The following KIF26B variants were observed in gnomAD, a reference collection of about 807,000 sequenced individuals.
KIF26B encodes kinesin family member 26B, also known as kinesin-like protein KIF26B.
Under a neutral mutation model 151.2 loss-of-function variants are expected in KIF26B, and 63 were observed. That is an observed-to-expected ratio of 0.42 (90% CI 0.34 to 0.51). KIF26B has a LOEUF of 0.51. Among genes scored for constraint, KIF26B ranks in the 20% least tolerant of loss-of-function variants. The pLI is 0.07. For synonymous variants in KIF26B, 1,357 were observed against 1,262.1 expected (o/e 1.08, Z -1.59); for missense variants, 2,813 against 2,913.6 (o/e 0.97, Z 0.79).
At chr1:245,655,524 T>C (rs899223165) in intron 10 of KIF26B, among the ~76,000 whole-genome samples, 1 of 152,138 alleles carries the variant, frequency 6.6e-6, no homozygotes, top group Non-Finnish European at 1.5e-5. Context: ...TACAGATACT[T>C]GGTTTAAGAG....
In KIF26B at chr1:245,706,726, T is replaced by C. The variant is rs1389485652; in HGVS notation, c.*4120T>C. The C allele has an allele frequency of 6.6e-6, 1 of 152,238 alleles. No homozygotes were observed. The highest frequency in any genetic ancestry group is 2.4e-5 in the African/African-American group (1 of 41,456). The allele number at this position is 152,238 out of a possible 1,614,324, so 9.4% of individuals were successfully genotyped here. ...GCTGCCACTGTCCCTGGGGCCTCCATGCTGCCGCCGGGGTATGTGGCCCAG... is the reference window on the plus strand; with the variant it reads ...GCTGCCACTGTCCCTGGGGCCTCCACGCTGCCGCCGGGGTATGTGGCCCAG... On this transcript the variant is annotated 3_prime_UTR_variant, in exon 15 of 15. Coordinates refer to ENST00000407071, the MANE Select transcript of KIF26B (RefSeq NM_018012.4).
At chr1:245,185,961 G>A (rs1668993885) in intron 2 of KIF26B, among the ~76,000 whole-genome samples, 1 of 151,938 alleles carries the variant, frequency 6.6e-6, no homozygotes, top group Admixed American at 6.6e-5. Flanking sequence ...TGCAACCTCC[G>A]CCTCCCGGAT....
intron 4 of KIF26B, among the ~76,000 whole-genome samples, chr1:245,501,012 T>C (rs1660609161): frequency 6.6e-6 from 1 of 152,210 alleles, no homozygotes; most frequent in Non-Finnish European, 1.5e-5. Context: ...TCAAGACCAC[T>C]TACTATGCGT....
intron 2 of KIF26B, among the ~76,000 whole-genome samples, chr1:245,234,818 TTAAG>T (rs1670074087): frequency 6.6e-6 from 1 of 152,188 alleles, no homozygotes; most frequent in Non-Finnish European, 1.5e-5. Flanking sequence ...CGGCCTGCTA[TTAAG>T]TGTTTCTAAG....
rs150291754 is a variant in KIF26B at position 245,298,888 on chromosome 1, C to T, written c.466-67946C>T. Among the ~76,000 whole-genome samples the T allele has an allele frequency of 4.0e-3, 613 of 152,242 alleles. 4 individuals are homozygous for T. Among genetic ancestry groups the T allele is most frequent in the African/African-American group, 0.014 (580 of 41,562 alleles). ...GCATTCCGAACAATTCTGGCAAAGG[C>T]GGAAACACTGGACCAGGATCTGGGT... On this transcript the variant is annotated intron_variant, in intron 2 of 14. Transcript: ENST00000407071.
intron 2 of KIF26B, among the ~76,000 whole-genome samples, chr1:245,178,240 A>G (rs1420232589): frequency 6.6e-6 from 1 of 152,186 alleles, no homozygotes; most frequent in East Asian, 1.9e-4. Flanking sequence ...GTGCTGTGCT[A>G]GGAGTTCTAG....
chr1:245,338,964 G>C (rs1180769083), intron 2 of KIF26B, among the ~76,000 whole-genome samples: 1 of 145,782 alleles, frequency 6.9e-6, no homozygotes, highest in African/African-American at 2.5e-5. Flanking sequence ...TGCTTCATAG[G>C]GTAGAATTTT....
intron 2 of KIF26B, among the ~76,000 whole-genome samples, chr1:245,349,033 C>A (rs1017770458): frequency 1.3e-5 from 2 of 152,174 alleles, no homozygotes; most frequent in Admixed American, 6.5e-5. Context: ...GTGACGTGAC[C>A]TGTGTGTGCT....
chr1:245,668,716 C>A (rs376756540), intron 10 of KIF26B, among the ~76,000 whole-genome samples: 60 of 146,856 alleles, frequency 4.1e-4, no homozygotes, highest in Admixed American at 1.6e-3. Context: ...TTTGAGACAG[C>A]GTCTTGCTCT....
At chr1:245,496,135 G>T (rs200047846) in intron 4 of KIF26B, among the ~76,000 whole-genome samples, 1 of 152,164 alleles carries the variant, frequency 6.6e-6, no homozygotes, top group East Asian at 1.9e-4. Flanking sequence ...GACAGAAAGG[G>T]TCAACATGTG....
chr1:245,303,409 A>C (rs1023636002), intron 2 of KIF26B, among the ~76,000 whole-genome samples: 2 of 150,724 alleles, frequency 1.3e-5, no homozygotes, highest in Admixed American at 6.6e-5. Flanking sequence ...CGTGTTAGCC[A>C]GGATGGTCTC....
At chr1:245,472,881 T>G (rs1659945696) in intron 4 of KIF26B, among the ~76,000 whole-genome samples, 1 of 152,224 alleles carries the variant, frequency 6.6e-6, no homozygotes, top group African/African-American at 2.4e-5. Flanking sequence ...CTCTAAACAG[T>G]GGGCTCCCCC....
At chr1:245,684,153 G>A (rs72764846) in intron 10 of KIF26B, 80 bp from the exon 11 acceptor site, 278,904 of 1,463,480 alleles carry the variant, frequency 0.19, 29,587 homozygotes, top group Non-Finnish European at 0.22. Flanking sequence ...CAAAATGGCC[G>A]TGTGCAGGCC....
chr1:245,209,560 C>G (rs573452885), intron 2 of KIF26B, among the ~76,000 whole-genome samples: 1 of 152,008 alleles, frequency 6.6e-6, no homozygotes, highest in Non-Finnish European at 1.5e-5. Context: ...AGCTGTGGGA[C>G]ATAGAGAGAG....
At chr1:245,256,542 G>A (rs994818989) in intron 2 of KIF26B, among the ~76,000 whole-genome samples, 2 of 152,152 alleles carry the variant, frequency 1.3e-5, no homozygotes, top group Non-Finnish European at 2.9e-5. Context: ...AGAGTTGGTT[G>A]ACTTTTTGTA....
chr1:245,161,649 A>G (rs1343161822), intron 2 of KIF26B, among the ~76,000 whole-genome samples: 1 of 152,178 alleles, frequency 6.6e-6, no homozygotes. Flanking sequence ...CACACACATA[A>G]TCTCATATAT....
At chr1:245,408,501 C>T (rs186586093) in intron 3 of KIF26B, among the ~76,000 whole-genome samples, 4 of 152,008 alleles carry the variant, frequency 2.6e-5, no homozygotes, top group Non-Finnish European at 5.9e-5. Flanking sequence ...CTTATAGGCA[C>T]ACGCCACCAT....
intron 9 of KIF26B, among the ~76,000 whole-genome samples, chr1:245,630,019 A>G (rs2043764049): frequency 6.6e-6 from 1 of 152,232 alleles, no homozygotes; most frequent in African/African-American, 2.4e-5. Flanking sequence ...ATGCAAATCA[A>G]AATGACAATG....
At chr1:245,661,086 A>G (rs1308526585) in intron 10 of KIF26B, among the ~76,000 whole-genome samples, 1 of 150,858 alleles carries the variant, frequency 6.6e-6, no homozygotes, top group East Asian at 2.0e-4. Flanking sequence ...TTCTGGGTTC[A>G]AGTGATTCTC....
Sources: gnomAD v4.1 joint callset for allele counts (sites outside exome capture counted in the v4.1 genomes callset) on GRCh38, gnomAD v4.1.1 for gene constraint, MANE v1.5 for transcripts, NCBI Gene and HGNC (gene_info 2026-07-23, HGNC 2026-07-21) for gene names.